Variants in KCNH5 observed in about 807,000 individuals in gnomAD.
The protein encoded by KCNH5 is voltage-gated delayed rectifier potassium channel KCNH5.
KCNH5 carries 46 observed loss-of-function variants against 96.1 expected under a neutral mutation model. The ratio of observed to expected loss-of-function variants is 0.48; its 90% CI spans 0.38 to 0.61. The LOEUF is 0.61. Ranked by LOEUF, KCNH5 falls within the 20% of genes least tolerant of loss-of-function variation. The pLI is 0.00. For missense variants in KCNH5, 907 were observed against 1,225.8 expected (o/e 0.74, Z 3.88); for synonymous variants, 439 against 449.8 (o/e 0.98, Z 0.30).
At chr14:62,720,392 A>G (rs1462749618) in intron 10 of KCNH5, among the ~76,000 whole-genome samples, 2 of 122,538 alleles carry the variant, frequency 1.6e-5, no homozygotes, top group African/African-American at 6.0e-5. Flanking sequence ...ACTAATTAAG[A>G]GACTTTTTGA....
At chr14:62,847,169 T>C (rs1449201446) in intron 8 of KCNH5, among the ~76,000 whole-genome samples, 1 of 148,002 alleles carries the variant, frequency 6.8e-6, no homozygotes, top group East Asian at 1.9e-4. Context: ...ATATATATTA[T>C]ATATATAATT....
chr14:62,741,421 C>G (rs1885268748), intron 10 of KCNH5, among the ~76,000 whole-genome samples: 1 of 152,130 alleles, frequency 6.6e-6, no homozygotes, highest in Middle Eastern at 3.2e-3. Flanking sequence ...CCTAGTAGCA[C>G]ACTTTTAATA....
intron 7 of KCNH5, among the ~76,000 whole-genome samples, chr14:62,929,650 A>G (rs753273069): frequency 8.5e-5 from 13 of 152,074 alleles, no homozygotes; most frequent in Non-Finnish European, 1.5e-4. Flanking sequence ...TTTTTTCTGA[A>G]GGTAAAATAA....
At chr14:62,848,411 T>A (rs2140044253) in intron 8 of KCNH5, among the ~76,000 whole-genome samples, 1 of 152,312 alleles carries the variant, frequency 6.6e-6, no homozygotes, top group Non-Finnish European at 1.5e-5. Flanking sequence ...GCGTACTACT[T>A]CAAGGGGCCA....
intron 2 of KCNH5, among the ~76,000 whole-genome samples, chr14:63,008,869 C>CA (rs151223254): frequency 2.6e-4 from 40 of 151,778 alleles, no homozygotes; most frequent in African/African-American, 9.2e-4. Flanking sequence ...ACTTCTCTCC[C>CA]AAAAAAATAT....
chr14:62,930,164 G>A (rs902202232), intron 7 of KCNH5, among the ~76,000 whole-genome samples: 5 of 151,998 alleles, frequency 3.3e-5, no homozygotes, highest in Admixed American at 2.6e-4. Flanking sequence ...TGGGATTTCT[G>A]GGTTGAATAT....
At chr14:63,010,186 C>T (rs989373144) in intron 2 of KCNH5, among the ~76,000 whole-genome samples, 1 of 152,154 alleles carries the variant, frequency 6.6e-6, no homozygotes, top group Non-Finnish European at 1.5e-5. Flanking sequence ...TGGAGGACCA[C>T]TTACAAAGTG....
At chr14:62,969,438 T>TA (rs1213875163) in intron 6 of KCNH5, among the ~76,000 whole-genome samples, 1 of 152,192 alleles carries the variant, frequency 6.6e-6, no homozygotes, top group African/African-American at 2.4e-5. Flanking sequence ...CATAAATTTT[T>TA]AAAAATCAAC....
intron 10 of KCNH5, among the ~76,000 whole-genome samples, chr14:62,730,941 ATTTAT>A (rs1371627689): frequency 2.6e-5 from 4 of 152,188 alleles, no homozygotes; most frequent in Admixed American, 6.5e-5. Flanking sequence ...TTTCCACTGA[ATTTAT>A]TTTATTTGTA....
chr14:62,894,036 G>A (rs749953545), intron 7 of KCNH5, among the ~76,000 whole-genome samples: 1 of 152,254 alleles, frequency 6.6e-6, no homozygotes, highest in Middle Eastern at 3.4e-3. Flanking sequence ...AGACTCAGAT[G>A]ATTTTTTGCA....
intron 7 of KCNH5, among the ~76,000 whole-genome samples, chr14:62,942,890 G>T (rs1454610808): frequency 6.6e-6 from 1 of 152,050 alleles, no homozygotes; most frequent in Admixed American, 6.6e-5. Flanking sequence ...ATCACAGCAG[G>T]ACAAATTCTC....
intron 7 of KCNH5, among the ~76,000 whole-genome samples, chr14:62,942,918 G>C (rs1889815149): frequency 6.6e-6 from 1 of 152,054 alleles, no homozygotes; most frequent in Non-Finnish European, 1.5e-5. Flanking sequence ...TATACTGCAT[G>C]GGTCAGCCTG....
intron 7 of KCNH5, among the ~76,000 whole-genome samples, chr14:62,891,578 C>G (rs374740627): frequency 1.3e-5 from 2 of 152,032 alleles, no homozygotes; most frequent in East Asian, 3.9e-4. Context: ...AGACTTGAAA[C>G]TAAACATCAT....
intron 4 of KCNH5, among the ~76,000 whole-genome samples, chr14:62,992,986 G>A (rs947292907): frequency 6.6e-6 from 1 of 151,300 alleles, no homozygotes; most frequent in Non-Finnish European, 1.5e-5. Context: ...GTTGATTTTT[G>A]TATATGACAA....
At chr14:62,737,721 C>T (rs1595600385) in intron 10 of KCNH5, among the ~76,000 whole-genome samples, 2 of 151,838 alleles carry the variant, frequency 1.3e-5, no homozygotes, top group South Asian at 4.2e-4. Context: ...AAAATAGGCT[C>T]TAAAAAAGAA....
intron 8 of KCNH5, among the ~76,000 whole-genome samples, chr14:62,813,185 G>C (rs904587124): frequency 6.6e-6 from 1 of 152,144 alleles, no homozygotes; most frequent in Non-Finnish European, 1.5e-5. Context: ...ATGAGAGTAT[G>C]TTGCATGTTC....
intron 10 of KCNH5, among the ~76,000 whole-genome samples, chr14:62,736,126 C>T (rs1474273814): frequency 6.6e-6 from 1 of 152,154 alleles, no homozygotes; most frequent in Non-Finnish European, 1.5e-5. Flanking sequence ...TCATGCAATT[C>T]CCAATGCTTG....
chr14:62,799,573 CAA>C (rs5809173), intron 9 of KCNH5, among the ~76,000 whole-genome samples: 3,798 of 52,626 alleles, frequency 0.072, 98 homozygotes, highest in East Asian at 0.27. Context: ...AACTCCGTCT[CAA>C]AAAAAAAAAA....
chr14:62,876,153 T>A (rs1888368402), intron 7 of KCNH5, among the ~76,000 whole-genome samples: 1 of 151,998 alleles, frequency 6.6e-6, no homozygotes. Flanking sequence ...GGTAACAGAG[T>A]GAGACTCTGT....
Sources: allele counts gnomAD v4.1 joint callset (sites outside exome capture counted in the v4.1 genomes callset), GRCh38; gene constraint gnomAD v4.1.1; transcripts MANE v1.5; gene names NCBI Gene and HGNC (gene_info 2026-07-23, HGNC 2026-07-21).